SLC9A4: variants seen among roughly 807,000 people sequenced by gnomAD.
SLC9A4 encodes the protein sodium/hydrogen exchanger 4.
In SLC9A4, 63 loss-of-function variants were observed where a neutral mutation model predicts 67.4. The observed-to-expected ratio is 0.93, with a 90% CI of 0.76 to 1.15. The LOEUF is 1.15. Ranked by LOEUF, SLC9A4 falls within the 50% of genes most tolerant of loss-of-function variation. The pLI is 0.00. For missense variants in SLC9A4, 1,089 were observed against 987.7 expected, an observed-to-expected ratio of 1.10 and a Z score of -1.38; for synonymous variants, 393 against 367.2, an observed-to-expected ratio of 1.07 and a Z score of -0.80.
At chr2:102,502,513 GA>G (rs984480604) in intron 2 of SLC9A4, among the ~76,000 whole-genome samples, 12 of 152,178 alleles carry the variant, frequency 7.9e-5, no homozygotes, top group Non-Finnish European at 1.3e-4. Flanking sequence ...AAGATATAAG[GA>G]AACTCTCTAT....
chr2:102,473,610 A>G lies in SLC9A4; in HGVS notation c.-150A>G, dbSNP rs1485716737. ...AAAGTGTCTACATACAGAGCTCAAT[A>G]ACACACTCGGAATCTTCTTGGGAGG... On this transcript the variant is annotated 5_prime_UTR_variant, in exon 1 of 12. It adds an upstream start codon to the 5' untranslated region. Transcript: ENST00000295269. 4.3e-6 allele frequency: 4 copies of G among 926,098 alleles called. No individual in the cohort carries two copies. Among genetic ancestry groups the G allele is most frequent in the African/African-American group, 3.3e-5 (2 of 59,942 alleles). 57.4% of individuals were successfully genotyped at this position (926,098 alleles called of 1,614,324 possible). A position where few individuals can be genotyped will look rare whatever the true frequency, so the allele number is the denominator to read the frequency against.
rs1213917675 is a variant in SLC9A4, at chr2:102,532,732, T to C, written c.*44T>C. ...TGTTTTGGTGTTTCTCAAGAGTCTG[T>C]CTTCCTATAACTGTGAAAGGAGGAT... On this transcript the variant is annotated 3_prime_UTR_variant, in exon 12 of 12. Coordinates refer to ENST00000295269, the MANE Select transcript of SLC9A4 (RefSeq NM_001011552.4). The C allele has an allele frequency of 1.3e-6, 2 of 1,550,910 alleles. No individual in the cohort carries two copies. The highest frequency in any genetic ancestry group is 1.8e-6 in the Non-Finnish European group (2 of 1,138,604).
chr2:102,518,327 T>C (rs1685320905), intron 8 of SLC9A4, among the ~76,000 whole-genome samples: 1 of 152,248 alleles, frequency 6.6e-6, no homozygotes, highest in Non-Finnish European at 1.5e-5. Context: ...ATGGAACTAT[T>C]TGACTAGCTG....
intron 2 of SLC9A4, among the ~76,000 whole-genome samples, chr2:102,485,796 C>T (rs575983190): frequency 1.2e-4 from 18 of 152,322 alleles, no homozygotes; most frequent in African/African-American, 3.6e-4. Context: ...TCCTCAAGCC[C>T]CCAAGAGGGA....
intron 5 of SLC9A4, 61 bp from the exon 6 acceptor site, chr2:102,508,786 G>C (rs1018021655): frequency 4.0e-6 from 5 of 1,256,258 alleles, no homozygotes; most frequent in Non-Finnish European, 5.6e-6. Flanking sequence ...TAATAAATTT[G>C]CTCTCTCTAG....
At chr2:102,526,453 A>G (rs1674667673) in intron 11 of SLC9A4, 107 bp downstream of exon 11, 2 of 920,312 alleles carry the variant, frequency 2.2e-6, no homozygotes, top group Non-Finnish European at 3.2e-6. Flanking sequence ...TAGGTTACTT[A>G]CATGATAAGA....
At chr2:102,490,259 G>A (rs1277068752) in intron 2 of SLC9A4, among the ~76,000 whole-genome samples, 3 of 152,170 alleles carry the variant, frequency 2.0e-5, no homozygotes, top group Non-Finnish European at 4.4e-5. Context: ...GCCCTCTAGG[G>A]CTGTTGTAAT....
intron 8 of SLC9A4, among the ~76,000 whole-genome samples, chr2:102,516,525 G>A (rs1685281766): frequency 6.6e-6 from 1 of 152,126 alleles, no homozygotes. Flanking sequence ...ACAACAAAAT[G>A]CACAGGTATT....
Position 102,503,544 on chromosome 2 carries a change from G to A in SLC9A4, c.817G>A (p.Val273Met). 6.2e-7 allele frequency: 1 copy of A among 1,614,152 alleles called. No homozygotes were observed. Among genetic ancestry groups the A allele is most frequent in the Non-Finnish European group, 8.5e-7 (1 of 1,180,024 alleles). The change falls in exon 3 of 12, where the codon GTG becomes ATG. Residue 273 changes from valine to methionine, a missense_variant. Physicochemically the swap from Val to Met is conservative, Grantham distance 21. Transcript: ENST00000295269. ...GGCTGGATGTGCCCGATTCATCGTT[G>A]TGGGGCTTGGAGGGGTATTGTTTGG... The part of the protein sequence containing the change: ...ILAGCARFIV[V>M]GLGGVLFGIV...
chr2:102,532,524 T>C lies in SLC9A4; in HGVS notation c.2233T>C (p.Leu745=). The C allele has an allele frequency of 1.9e-6, 3 of 1,614,070 alleles. No individual in the cohort carries two copies. Among genetic ancestry groups the C allele is most frequent in the Non-Finnish European group, 1.7e-6 (2 of 1,179,982 alleles). ...EYLGGVRRVA[L]RPKPLFHAVD... ...CTTGGGTGGAGTAAGGAGGGTGGCCTTAAGACCCAAACCTCTGTTTCATGC... is the reference window on the plus strand; with the variant it reads ...CTTGGGTGGAGTAAGGAGGGTGGCCCTAAGACCCAAACCTCTGTTTCATGC... Residue 745 remains leucine, a synonymous_variant, in exon 12 of 12, where the codon TTA becomes CTA. Transcript: ENST00000295269.
chr2:102,525,680 G>A (rs1674647426), intron 10 of SLC9A4, among the ~76,000 whole-genome samples: 2 of 152,018 alleles, frequency 1.3e-5, no homozygotes, highest in Non-Finnish European at 2.9e-5. Context: ...ATGGAGGCTG[G>A]GTGAGAAGCA....
chr2:102,521,592 A>C (rs1401911929), intron 9 of SLC9A4, among the ~76,000 whole-genome samples: 1 of 152,136 alleles, frequency 6.6e-6, no homozygotes, highest in Non-Finnish European at 1.5e-5. Context: ...TTCCTTACTC[A>C]GCTTTACAAA....
Position 102,505,377 on chromosome 2 carries a change from C to G in SLC9A4, c.1104C>G (p.Ile368Met). The G allele has an allele frequency of 6.2e-7, 1 of 1,614,224 alleles. No homozygotes were observed. Among genetic ancestry groups the G allele is most frequent in the Non-Finnish European group, 8.5e-7 (1 of 1,180,048 alleles). Residue 368 changes from isoleucine to methionine, a missense_variant, in exon 4 of 12, where the codon ATC (isoleucine) becomes ATG (methionine). Physicochemically the swap from Ile to Met is conservative, Grantham distance 10. Coordinates refer to ENST00000295269, the MANE Select transcript of SLC9A4 (RefSeq NM_001011552.4). ...LSSVSETLIF[I>M]FMGVSTVGKN... is the part of the protein sequence containing the mutation. ...GCGTCAGCGAGACCTTGATCTTCAT[C>G]TTCATGGGTGTGTCCACTGTGGGCA...
intron 2 of SLC9A4, among the ~76,000 whole-genome samples, chr2:102,487,777 T>C (rs929398256): frequency 6.6e-6 from 1 of 152,216 alleles, no homozygotes; most frequent in Non-Finnish European, 1.5e-5. Context: ...GAGATGGGGT[T>C]GAGCAGCTAT....
Position 102,483,799 on chromosome 2 carries a change from CATATATATATATATAT to C in SLC9A4, c.720+4525_720+4540del, listed in dbSNP as rs61195337. ...TTAGTAACTATCTCACCATGTACAG[CATATATATATATATAT>C]ATATATATATATATATATATATATA... On this transcript the variant is annotated intron_variant, in intron 2 of 11. Coordinates refer to ENST00000295269, the MANE Select transcript of SLC9A4 (RefSeq NM_001011552.4). Among the ~76,000 whole-genome samples, 392 of 114,282 alleles carry C rather than the reference CATATATATATATATAT, an allele frequency of 3.4e-3. 5 individuals carry two copies. The highest frequency in any genetic ancestry group is 0.014 in the East Asian group (39 of 2,882). The allele number at this position is 114,282 out of a possible 152,430, so 75.0% of individuals were successfully genotyped here.
chr2:102,493,327 A>G (rs939900802), intron 2 of SLC9A4, among the ~76,000 whole-genome samples: 13 of 151,856 alleles, frequency 8.6e-5, no homozygotes, highest in South Asian at 2.1e-4. Context: ...TCATGCTACT[A>G]TGAAGAAATA....
At chr2:102,481,228 G>A (rs372958817) in intron 2 of SLC9A4, among the ~76,000 whole-genome samples, 52 of 152,092 alleles carry the variant, frequency 3.4e-4, no homozygotes, top group African/African-American at 9.9e-4. Context: ...GAACACAGTC[G>A]TCAAGATTTT....
At chr2:102,527,481 A>G (rs1012765362) in intron 11 of SLC9A4, among the ~76,000 whole-genome samples, 31 of 152,320 alleles carry the variant, frequency 2.0e-4, no homozygotes, top group African/African-American at 7.5e-4. Flanking sequence ...ATTAATAAAT[A>G]CTTAAGGTAT....
At chr2:102,519,775 C>T (rs1258437987) in intron 8 of SLC9A4, 84 bp from the exon 9 acceptor site, 3 of 1,299,542 alleles carry the variant, frequency 2.3e-6, no homozygotes, top group Non-Finnish European at 3.3e-6. Flanking sequence ...CCCCTCAGTA[C>T]AGAGCAAGGC....
Sources: allele counts gnomAD v4.1 joint callset (sites outside exome capture counted in the v4.1 genomes callset), GRCh38; gene constraint gnomAD v4.1.1; transcripts MANE v1.5; gene names NCBI Gene and HGNC (gene_info 2026-07-23, HGNC 2026-07-21).